The following ARFGEF1 variants were observed in gnomAD, a reference collection of about 807,000 sequenced individuals.
ARFGEF1 encodes the protein brefeldin A-inhibited guanine nucleotide-exchange protein 1.
A neutral mutation model predicts 231.0 loss-of-function variants in ARFGEF1; 42 were observed. The ratio of observed to expected loss-of-function variants is 0.18; its 90% CI spans 0.14 to 0.24. The LOEUF (loss-of-function observed/expected upper bound fraction) is 0.24, where lower values mean the gene tolerates loss of function less well. Among genes scored for constraint, ARFGEF1 ranks in the 10% least tolerant of loss-of-function variants. ARFGEF1 has a pLI of 1.00. For synonymous variants in ARFGEF1, 710 were observed against 732.3 expected (o/e 0.97, Z 0.49); for missense variants, 1,345 against 2,192.0 (o/e 0.61, Z 7.72).
intron 19 of ARFGEF1, among the ~76,000 whole-genome samples, chr8:67,243,627 C>G (rs1839999761): frequency 6.6e-6 from 1 of 152,206 alleles, no homozygotes; most frequent in Non-Finnish European, 1.5e-5. Context: ...CCTAGAAAGC[C>G]TTCCCAAGAA....
downstream of ARFGEF1, chr8:67,175,075 T>C (rs1318855824): frequency 2.1e-6 from 1 of 480,154 alleles, no homozygotes; most frequent in Non-Finnish European, 3.8e-6. Context: ...GTATTCCTTA[T>C]GTTGGTAAGT....
chr8:67,245,907 T>C (rs773334240), intron 19 of ARFGEF1, among the ~76,000 whole-genome samples: 15 of 150,484 alleles, frequency 1.0e-4, no homozygotes, highest in Non-Finnish European at 1.9e-4. Flanking sequence ...TGGAAAAAGA[T>C]ATTCCATGCA....
chr8:67,258,183 A>G lies in ARFGEF1; in HGVS notation c.2343T>C (p.Leu781=). 6.2e-7 allele frequency: 1 copy of G among 1,613,108 alleles called. No homozygotes were observed. Among genetic ancestry groups the G allele is most frequent in the Non-Finnish European group, 8.5e-7 (1 of 1,179,124 alleles). Residue 781 remains leucine, a synonymous_variant, in exon 16 of 39, where the codon CTT becomes CTC. Transcript: ENST00000262215. ...DFSGKDFVSA[L]RMFLEGFRLP... ...GACGAAATCCTTCTAGAAACATACG[A>G]AGGGCTGAAACGAAGTCTTTTCCTG...
intron 5 of ARFGEF1, among the ~76,000 whole-genome samples, chr8:67,179,256 C>T (rs115037615): frequency 0.016 from 2,393 of 151,792 alleles, 66 homozygotes; most frequent in African/African-American, 0.055. Context: ...CATTTTTTTT[C>T]GTTACTATAC....
chr8:67,187,652 C>A (rs1171872137), intron 5 of ARFGEF1, among the ~76,000 whole-genome samples: 1 of 152,008 alleles, frequency 6.6e-6, no homozygotes, highest in East Asian at 1.9e-4. Flanking sequence ...CCACTAAACT[C>A]CAGCCTGGGC....
At chr8:67,274,008 T>C (rs908806815) in intron 9 of ARFGEF1, among the ~76,000 whole-genome samples, 2 of 152,216 alleles carry the variant, frequency 1.3e-5, no homozygotes, top group African/African-American at 4.8e-5. Context: ...CAAAATATCT[T>C]GTACACTGTA....
At chr8:67,267,915 C>A (rs964737658) in intron 10 of ARFGEF1, among the ~76,000 whole-genome samples, 5 of 152,086 alleles carry the variant, frequency 3.3e-5, no homozygotes, top group African/African-American at 7.2e-5. Context: ...AAGTCTCATA[C>A]GGTTTTATTT....
chr8:67,184,532 G>C (rs958201814), intron 5 of ARFGEF1, among the ~76,000 whole-genome samples: 3 of 150,956 alleles, frequency 2.0e-5, no homozygotes, highest in African/African-American at 7.3e-5. Flanking sequence ...GAAGTCAGGA[G>C]TTCAAGACCA....
chr8:67,278,287 G>A (rs772634232), intron 7 of ARFGEF1, among the ~76,000 whole-genome samples: 12 of 152,088 alleles, frequency 7.9e-5, no homozygotes, highest in Non-Finnish European at 1.5e-4. Flanking sequence ...CCAGTTAATG[G>A]GGTAAATTAT....
chr8:67,222,186 TATATATATATATATATATAC>T (rs1563846302), intron 29 of ARFGEF1, among the ~76,000 whole-genome samples: 23 of 127,998 alleles, frequency 1.8e-4, no homozygotes, highest in African/African-American at 5.9e-4. Context: ...TATACACATA[TATATATATATATATATATAC>T]ACACACATAT....
intron 5 of ARFGEF1, among the ~76,000 whole-genome samples, chr8:67,184,744 T>TATAAAATAATAATAATAATAATAATA (rs1833993965): frequency 1.4e-5 from 2 of 142,498 alleles, no homozygotes; most frequent in African/African-American, 5.3e-5. Flanking sequence ...AATAAAAAAA[T>TATAAAATAATAATAATAATAATAATA]ATAATAATAA....
rs1488650182 is a variant in ARFGEF1 at position 67,198,964 on chromosome 8, A to T, written c.5520T>A (p.Pro1840=). ...IGVVFQISQP[P]EQELGINKQ is the part of the protein sequence containing the mutation. ...GCTTGTTTATTCCAAGTTCCTGTTC[A>T]GGTGGTTGTGATATCTGAAAAACTA... Residue 1840 remains proline, a synonymous_variant, in exon 39 of 39, where the codon CCT becomes CCA. Transcript: ENST00000262215. The T allele has an allele frequency of 1.2e-6, 2 of 1,613,496 alleles. No individual in the cohort carries two copies. Among genetic ancestry groups the T allele is most frequent in the South Asian group, 1.1e-5 (1 of 90,946 alleles).
intron 9 of ARFGEF1, among the ~76,000 whole-genome samples, chr8:67,275,250 T>TAG (rs10655257): frequency 1 from 151,677 of 152,114 alleles, 75,621 homozygotes; most frequent in East Asian, 1. Context: ...GCTGCAATAT[T>TAG]AGAGGTGGGC....
At chr8:67,256,710 A>C (rs1465960714) in intron 17 of ARFGEF1, among the ~76,000 whole-genome samples, 1 of 152,218 alleles carries the variant, frequency 6.6e-6, no homozygotes, top group African/African-American at 2.4e-5. Flanking sequence ...TAAGCAAAAA[A>C]TACTAAAACT....
chr8:67,333,524 G>A (rs748977969), intron 1 of ARFGEF1, among the ~76,000 whole-genome samples: 5 of 151,834 alleles, frequency 3.3e-5, no homozygotes, highest in African/African-American at 4.8e-5. Flanking sequence ...ATGTTACCCA[G>A]GTTGGTATTG....
At chr8:67,267,005 A>G in intron 12 of ARFGEF1, 21 bp from the exon 13 acceptor site, 1 of 1,608,684 alleles carries the variant, frequency 6.2e-7, no homozygotes. Flanking sequence ...ATTCAAAAAC[A>G]AAATTTTTTT....
intron 1 of ARFGEF1, among the ~76,000 whole-genome samples, chr8:67,339,092 G>C (rs566832306): frequency 6.6e-6 from 1 of 152,262 alleles, no homozygotes; most frequent in African/African-American, 2.4e-5. Flanking sequence ...TGTATCTCTG[G>C]ATGAAACTAT....
chr8:67,317,975 C>A (rs1389001212), intron 1 of ARFGEF1, among the ~76,000 whole-genome samples: 10 of 151,322 alleles, frequency 6.6e-5, no homozygotes, highest in Non-Finnish European at 1.2e-4. Flanking sequence ...CGGTGGCTCA[C>A]ACCTGTAATT....
intron 1 of ARFGEF1, among the ~76,000 whole-genome samples, chr8:67,333,881 T>C (rs1808218125): frequency 6.6e-6 from 1 of 152,130 alleles, no homozygotes; most frequent in Admixed American, 6.5e-5. Context: ...CTCATGCCTG[T>C]AATCCCAGCA....
Sources: allele counts gnomAD v4.1 joint callset (sites outside exome capture counted in the v4.1 genomes callset), GRCh38; gene constraint gnomAD v4.1.1; transcripts MANE v1.5; gene names NCBI Gene and HGNC (gene_info 2026-07-23, HGNC 2026-07-21).